ZSCAN29: variants seen among roughly 807,000 people sequenced by gnomAD.
The protein encoded by ZSCAN29 is zinc finger and SCAN domain-containing protein 29.
ZSCAN29 carries 55 observed loss-of-function variants against 71.9 expected under a neutral mutation model. The observed-to-expected ratio is 0.76, with a 90% CI of 0.62 to 0.96. ZSCAN29 has a LOEUF of 0.96. ZSCAN29 is among the 40% of genes least tolerant of loss of function. ZSCAN29 has a pLI of 0.00. For missense variants in ZSCAN29, 1,042 were observed against 1,042.2 expected (o/e 1.00, Z 0.00); for synonymous variants, 351 against 371.6 (o/e 0.94, Z 0.64).
Position 43,358,332 on chromosome 15 carries a change from G to A in ZSCAN29, c.*2741C>T, listed in dbSNP as rs1393755762. ...ACCACAACCAATGCTTTTCCCACGAGACTATACATAGATATACTAAAGACA... is the reference window on the plus strand; with the variant it reads ...ACCACAACCAATGCTTTTCCCACGAAACTATACATAGATATACTAAAGACA... On this transcript the variant is annotated 3_prime_UTR_variant, in exon 6 of 6. Coordinates refer to ENST00000684362, the MANE Select transcript of ZSCAN29 (RefSeq NM_001372080.1). The A allele has an allele frequency of 6.6e-6, 1 of 152,136 alleles. No individual in the cohort carries two copies. Among genetic ancestry groups the A allele is most frequent in the African/African-American group, 2.4e-5 (1 of 41,302 alleles). The allele number at this position is 152,136 out of a possible 1,614,324, so 9.4% of individuals were successfully genotyped here. A position where few individuals can be genotyped will look rare whatever the true frequency, so the allele number is the denominator to read the frequency against.
Position 43,363,939 on chromosome 15 carries a change from G to C in ZSCAN29, c.1666C>G (p.Pro556Ala). 6.2e-7 allele frequency: 1 copy of C among 1,606,878 alleles called. No homozygotes were observed. The highest frequency in any genetic ancestry group is 8.5e-7 in the Non-Finnish European group (1 of 1,174,610). Reference sequence around the variant, plus strand: ...CCACGGGGGCTTTGGAATAACACTGGAGCACGGGTTATGACAGCCCCTGGG... The same window carrying C: ...CCACGGGGGCTTTGGAATAACACTGCAGCACGGGTTATGACAGCCCCTGGG... ...IPPGAVITRA[P>A]VLFQSPRGFE... The change falls in exon 5 of 6, where the codon CCA becomes GCA. Residue 556 changes from proline (P) to alanine (A), a missense_variant. Coordinates refer to ENST00000684362, the MANE Select transcript of ZSCAN29 (RefSeq NM_001372080.1).
At chr15:43,364,444 A>C in intron 4 of ZSCAN29, 62 bp from the exon 5 acceptor site, 1 of 1,434,054 alleles carries the variant, frequency 7.0e-7, no homozygotes, top group Non-Finnish European at 9.7e-7. Context: ...TGAATTCCTC[A>C]GTCCTATCAT....
Position 43,359,543 on chromosome 15 carries a change from C to T in ZSCAN29, c.*1530G>A, listed in dbSNP as rs144283519. 5 of 152,392 alleles carry T rather than the reference C, an allele frequency of 3.3e-5. No homozygotes were observed. The highest frequency in any genetic ancestry group is 1.9e-4 in the East Asian group (1 of 5,196). 9.4% of individuals were successfully genotyped at this position (152,392 alleles called of 1,614,324 possible). On this transcript the variant is annotated 3_prime_UTR_variant, in exon 6 of 6. Transcript: ENST00000684362. ...CTGCCATTAGGGTAAAGGGCCTGTT[C>T]GCACACAGTAGTCCATTTTCCCAAT...
rs892581042 is a variant in ZSCAN29, at chr15:43,359,081, T to C, written c.*1992A>G. ...CAGCACTCAATTTTGCAACTAGTTATGGAAAGTTCTTCCTATCATAATTTA... is the reference window on the plus strand; with the variant it reads ...CAGCACTCAATTTTGCAACTAGTTACGGAAAGTTCTTCCTATCATAATTTA... On this transcript the variant is annotated 3_prime_UTR_variant, in exon 6 of 6. Coordinates refer to ENST00000684362, the MANE Select transcript of ZSCAN29 (RefSeq NM_001372080.1). 2 of 152,250 alleles carry C rather than the reference T, an allele frequency of 1.3e-5. No individual in the cohort carries two copies. The highest frequency in any genetic ancestry group is 6.5e-5 in the Admixed American group (1 of 15,284). The allele number at this position is 152,250 out of a possible 1,614,324, so 9.4% of individuals were successfully genotyped here.
intron 5 of ZSCAN29, among the ~76,000 whole-genome samples, chr15:43,363,505 CA>C (rs1212259047): frequency 6.6e-6 from 1 of 152,106 alleles, no homozygotes; most frequent in African/African-American, 2.4e-5. Flanking sequence ...GTGAATAAAG[CA>C]GACATACAGC....
intron 3 of ZSCAN29, among the ~76,000 whole-genome samples, chr15:43,367,969 A>G (rs2044055577): frequency 6.6e-6 from 1 of 152,230 alleles, no homozygotes; most frequent in South Asian, 2.1e-4. Flanking sequence ...CAAGTTCTAC[A>G]AAAATCAAGT....
chr15:43,366,320 G>T lies in ZSCAN29; in HGVS notation c.1012C>A (p.Leu338Met). 6.2e-7 allele frequency: 1 copy of T among 1,613,200 alleles called. No homozygotes were observed. Among genetic ancestry groups the T allele is most frequent in the African/African-American group, 1.3e-5 (1 of 75,008 alleles). ...EALMSAQVIA[L>M]PSNGLEAAAS... ...GCTGCTTCCAGGCCATTACTGGGCAGGGCAATGACCTGAGCACTCATCAGG... is the reference window on the plus strand; with the variant it reads ...GCTGCTTCCAGGCCATTACTGGGCATGGCAATGACCTGAGCACTCATCAGG... The change falls in exon 4 of 6, where the codon CTG (leucine) becomes ATG (methionine). Residue 338 changes from leucine (L) to methionine (M), a missense_variant. Coordinates refer to ENST00000684362, the MANE Select transcript of ZSCAN29 (RefSeq NM_001372080.1).
chr15:43,360,042 T>A lies in ZSCAN29; in HGVS notation c.*1031A>T, dbSNP rs1248511490. 2 of 152,164 alleles carry A rather than the reference T, an allele frequency of 1.3e-5. No homozygotes were observed. Among genetic ancestry groups the A allele is most frequent in the East Asian group, 3.8e-4 (2 of 5,196 alleles). The allele number at this position is 152,164 out of a possible 1,614,324, so 9.4% of individuals were successfully genotyped here. On this transcript the variant is annotated 3_prime_UTR_variant, in exon 6 of 6. Transcript: ENST00000684362. Reference sequence around the variant, plus strand: ...AGGAAGAGTCATTCATTTTAGCATTTCCATTATTGTATAAAGAAGAGCTGG... The same window carrying A: ...AGGAAGAGTCATTCATTTTAGCATTACCATTATTGTATAAAGAAGAGCTGG...
intron 4 of ZSCAN29, 80 bp downstream of exon 4, chr15:43,366,030 C>G: frequency 7.0e-7 from 1 of 1,421,328 alleles, no homozygotes; most frequent in Non-Finnish European, 9.5e-7. Flanking sequence ...TGGCATGTGA[C>G]ATTAAGCCTT....
intron 3 of ZSCAN29, 140 bp from the exon 4 acceptor site, chr15:43,366,948 C>G: frequency 1.3e-6 from 1 of 771,502 alleles, no homozygotes. Context: ...GTTCAGTGGG[C>G]TGAAAAAGGT....
At chr15:43,366,918 T>A in intron 3 of ZSCAN29, 110 bp from the exon 4 acceptor site, 1 of 1,064,432 alleles carries the variant, frequency 9.4e-7, no homozygotes, top group Non-Finnish European at 1.3e-6. Context: ...ACAAAGTGTC[T>A]AGGGAAATGT....
Position 43,366,690 on chromosome 15 carries a change from TC to T in ZSCAN29, c.641del (p.Arg214AsnfsTer117), listed in dbSNP as rs776291375. 1.2e-6 allele frequency: 2 copies of T among 1,614,116 alleles called. No homozygotes were observed. The highest frequency in any genetic ancestry group is 1.7e-6 in the Non-Finnish European group (2 of 1,180,052). ...ELPSGSHIGD[R>X]RVHADLLPSK... ...ATGGTAACAGATCAGCATGCACTCGTCTGTCTCCTATGTGGCTGCCACTTGG... is the reference window on the plus strand; with the variant it reads ...ATGGTAACAGATCAGCATGCACTCGTTGTCTCCTATGTGGCTGCCACTTGG... On this transcript the variant is annotated frameshift_variant, in exon 4 of 6. Transcript: ENST00000684362. LOFTEE classifies it high-confidence loss of function.
chr15:43,361,337 T>C lies in ZSCAN29; in HGVS notation c.2295A>G (p.Glu765=). 6.2e-7 allele frequency: 1 copy of C among 1,614,098 alleles called. No homozygotes were observed. Among genetic ancestry groups the C allele is most frequent in the East Asian group, 2.2e-5 (1 of 44,878 alleles). Residue 765 remains glutamate (E), a synonymous_variant, in exon 6 of 6, where the codon GAA becomes GAG. Coordinates refer to ENST00000684362, the MANE Select transcript of ZSCAN29 (RefSeq NM_001372080.1). ...THTGEKPYQC[E]ECGKSFNNSS... is the part of the protein sequence containing the mutation. Reference sequence around the variant, plus strand: ...TGTTATTGAAGCTTTTTCCACACTCTTCACATTGATAGGGCTTTTCTCCTG... The same window carrying C: ...TGTTATTGAAGCTTTTTCCACACTCCTCACATTGATAGGGCTTTTCTCCTG...
chr15:43,369,099 A>G lies in ZSCAN29; in HGVS notation c.347T>C (p.Val116Ala), dbSNP rs2044069002. 6.3e-7 allele frequency: 1 copy of G among 1,591,358 alleles called. No individual in the cohort carries two copies. The highest frequency in any genetic ancestry group is 8.6e-7 in the Non-Finnish European group (1 of 1,165,378). The change falls in exon 3 of 6, where the codon GTG becomes GCG. Residue 116 changes from valine (V) to alanine (A), a missense_variant. Coordinates refer to ENST00000684362, the MANE Select transcript of ZSCAN29 (RefSeq NM_001372080.1). Reference protein sequence around the residue: ...SVTVSVKGQEVRLEKMTPPKS... With the variant: ...SVTVSVKGQEARLEKMTPPKS... The stretch of plus-strand genomic sequence containing the variant: ...CGGGGGTGTCATCTTCTCCAAGCGC[A>G]CTTCCTGCCCCTTCACAGAGACTGT...
chr15:43,366,366 G>A lies in ZSCAN29; in HGVS notation c.966C>T (p.Pro322=). 6.2e-7 allele frequency: 1 copy of A among 1,613,996 alleles called. No homozygotes were observed. The part of the protein sequence containing the change: ...VKSGHPPETC[P]FFEEMEALMS... ...TCAGGGCTTCCATCTCTTCAAAGAA[G>A]GGGCAGGTCTCAGGTGGGTGGCCGC... Residue 322 remains proline (P), a synonymous_variant, in exon 4 of 6, where the codon CCC becomes CCT. Coordinates refer to ENST00000684362, the MANE Select transcript of ZSCAN29 (RefSeq NM_001372080.1).
intron 4 of ZSCAN29, chr15:43,364,588 T>C (rs1437898801): frequency 1.5e-6 from 1 of 662,078 alleles, no homozygotes; most frequent in East Asian, 3.0e-5. Flanking sequence ...CAGAGACCTT[T>C]ATTTACAAAT....
Position 43,369,296 on chromosome 15 carries a change from A to T in ZSCAN29, c.319-169T>A, listed in dbSNP as rs1434161859. The T allele has an allele frequency of 4.5e-6, 3 of 663,692 alleles. No individual in the cohort carries two copies. The African/African-American group carries it at 5.5e-5, about 12-fold the overall frequency. 41.1% of individuals were successfully genotyped at this position (663,692 alleles called of 1,614,324 possible). A position where few individuals can be genotyped will look rare whatever the true frequency, so the allele number is the denominator to read the frequency against. ...TCTTATTCCATTGCCATTAGCTTAA[A>T]GCAGTTGAAACTCCAGAAGGAAACG... On this transcript the variant is annotated intron_variant, in intron 2 of 5. Coordinates refer to ENST00000684362, the MANE Select transcript of ZSCAN29 (RefSeq NM_001372080.1).
intron 3 of ZSCAN29, among the ~76,000 whole-genome samples, chr15:43,367,756 A>G (rs1370701940): frequency 6.6e-6 from 1 of 152,186 alleles, no homozygotes; most frequent in East Asian, 1.9e-4. Context: ...CAGGTGTTCA[A>G]AAACTGATGA....
chr15:43,361,974 T>C (rs1455665755), intron 5 of ZSCAN29, 33 bp from the exon 6 acceptor site: 3 of 1,570,782 alleles, frequency 1.9e-6, no homozygotes, highest in Non-Finnish European at 1.7e-6. Context: ...AAGTTATCTA[T>C]TTTCTTAATC....
Sources: allele counts gnomAD v4.1 joint callset (sites outside exome capture counted in the v4.1 genomes callset), GRCh38; gene constraint gnomAD v4.1.1; transcripts MANE v1.5; gene names NCBI Gene and HGNC (gene_info 2026-07-23, HGNC 2026-07-21).